SRRM4: variants seen among roughly 807,000 people sequenced by gnomAD.
SRRM4 encodes serine/arginine repetitive matrix protein 4.
A neutral mutation model predicts 68.9 loss-of-function variants in SRRM4; 33 were observed. The ratio of observed to expected loss-of-function variants is 0.48; its 90% CI spans 0.36 to 0.64. The LOEUF (loss-of-function observed/expected upper bound fraction) is 0.64, where lower values mean the gene tolerates loss of function less well. SRRM4 is among the 30% of genes least tolerant of loss of function. The pLI is 0.00. For synonymous variants in SRRM4, 318 were observed against 318.8 expected (o/e 1.00, Z 0.03); for missense variants, 817 against 827.1 (o/e 0.99, Z 0.15).
At chr12:119,122,494 T>G (rs191890737) in intron 6 of SRRM4, among the ~76,000 whole-genome samples, 3 of 151,956 alleles carry the variant, frequency 2.0e-5, no homozygotes, top group Admixed American at 2.0e-4. Flanking sequence ...CCCTTATGAG[T>G]ATACCTTGTG....
chr12:119,051,530 C>T (rs1055977196), intron 1 of SRRM4, among the ~76,000 whole-genome samples: 5 of 152,098 alleles, frequency 3.3e-5, no homozygotes, highest in Non-Finnish European at 5.9e-5. Context: ...AATGAATCTT[C>T]TCTTATTGAA....
intron 1 of SRRM4, among the ~76,000 whole-genome samples, chr12:119,086,225 A>G (rs1953978961): frequency 6.6e-6 from 1 of 152,082 alleles, no homozygotes; most frequent in African/African-American, 2.4e-5. Flanking sequence ...AAAAGGATAC[A>G]CCCTATATAC....
At chr12:119,014,901 C>T (rs985433186) in intron 1 of SRRM4, among the ~76,000 whole-genome samples, 5 of 152,080 alleles carry the variant, frequency 3.3e-5, no homozygotes, top group African/African-American at 1.2e-4. Context: ...TCACATGTGC[C>T]CAAATGCTGT....
chr12:119,036,567 C>T (rs976177366), intron 1 of SRRM4, among the ~76,000 whole-genome samples: 3 of 152,174 alleles, frequency 2.0e-5, no homozygotes, highest in African/African-American at 7.2e-5. Flanking sequence ...AGGTTTCCCT[C>T]AATGTGTGTA....
At chr12:119,119,624 G>T (rs1250746171) in intron 4 of SRRM4, among the ~76,000 whole-genome samples, 1 of 152,144 alleles carries the variant, frequency 6.6e-6, no homozygotes, top group African/African-American at 2.4e-5. Context: ...TAAAATGGTT[G>T]TTAATAGTAC....
chr12:118,988,499 C>T (rs1361515889), intron 1 of SRRM4, among the ~76,000 whole-genome samples: 1 of 152,122 alleles, frequency 6.6e-6, no homozygotes, highest in South Asian at 2.1e-4. Context: ...TGGACCAGCT[C>T]TAGCTAATAG....
intron 1 of SRRM4, among the ~76,000 whole-genome samples, chr12:119,091,934 G>A (rs1954016749): frequency 6.6e-6 from 1 of 152,186 alleles, no homozygotes; most frequent in Non-Finnish European, 1.5e-5. Context: ...AGAGGCTTAT[G>A]TTTGGATCAT....
In SRRM4 at chr12:119,156,589, C is replaced by G. The variant is rs750028696; in HGVS notation, c.1627C>G (p.Arg543Gly). Reference sequence around the variant, plus strand: ...CTCCTGGTACAGCAGCAGCAGTAGCCGCTCGGCCAGCCGCAGCTACTCCCG... The same window carrying G: ...CTCCTGGTACAGCAGCAGCAGTAGCGGCTCGGCCAGCCGCAGCTACTCCCG... Reference protein sequence around the residue: ...TSSWYSSSSSRSASRSYSRSR... With the variant: ...TSSWYSSSSSGSASRSYSRSR... The change falls in exon 13 of 13, where the codon CGC (arginine) becomes GGC (glycine). Residue 543 changes from arginine to glycine, a missense_variant. Arg to Gly is a moderately radical substitution (Grantham distance 125, BLOSUM62 -2). Coordinates refer to ENST00000267260, the MANE Select transcript of SRRM4 (RefSeq NM_194286.4). The G allele has an allele frequency of 1.4e-5, 22 of 1,610,080 alleles. No individual in the cohort carries two copies. The highest frequency in any genetic ancestry group is 1.5e-5 in the Non-Finnish European group (18 of 1,179,614).
chr12:119,065,150 G>T (rs975895445), intron 1 of SRRM4, among the ~76,000 whole-genome samples: 2 of 152,098 alleles, frequency 1.3e-5, no homozygotes, highest in African/African-American at 4.8e-5. Flanking sequence ...AGGCCACCCA[G>T]CTAATAAGGG....
chr12:119,032,687 A>G (rs1953599446), intron 1 of SRRM4, among the ~76,000 whole-genome samples: 1 of 152,124 alleles, frequency 6.6e-6, no homozygotes, highest in South Asian at 2.1e-4. Flanking sequence ...TCCCTTCTCT[A>G]TGTCTTGATA....
At chr12:119,038,564 G>A (rs1953644994) in intron 1 of SRRM4, among the ~76,000 whole-genome samples, 1 of 152,152 alleles carries the variant, frequency 6.6e-6, no homozygotes, top group Non-Finnish European at 1.5e-5. Flanking sequence ...CTCATTATTT[G>A]TTCCTGGAAC....
intron 1 of SRRM4, chr12:118,989,838 A>G (rs1308589508): frequency 6.6e-6 from 1 of 152,198 alleles, no homozygotes; most frequent in Non-Finnish European, 1.5e-5. Context: ...TTTGCTGAGT[A>G]CAAATACCAA....
At chr12:119,012,556 C>T (rs1399525939) in intron 1 of SRRM4, among the ~76,000 whole-genome samples, 1 of 152,202 alleles carries the variant, frequency 6.6e-6, no homozygotes, top group Non-Finnish European at 1.5e-5. Context: ...TCTCATTCTT[C>T]TACCTGTCTG....
intron 10 of SRRM4, among the ~76,000 whole-genome samples, 179 bp downstream of exon 10, chr12:119,151,399 T>C (rs140684820): frequency 1.3e-3 from 193 of 151,854 alleles, no homozygotes; most frequent in African/African-American, 4.6e-3. Flanking sequence ...AACCTGAGTT[T>C]TCCCATCTGC....
intron 1 of SRRM4, among the ~76,000 whole-genome samples, chr12:119,019,845 A>T (rs1349278087): frequency 6.6e-6 from 1 of 151,834 alleles, no homozygotes; most frequent in Non-Finnish European, 1.5e-5. Flanking sequence ...AAACTTACAG[A>T]GTGGCAGGGA....
intron 1 of SRRM4, among the ~76,000 whole-genome samples, chr12:119,099,089 A>C (rs971465913): frequency 1.3e-5 from 2 of 151,942 alleles, no homozygotes; most frequent in African/African-American, 2.4e-5. Flanking sequence ...CTCTGATCTC[A>C]CCTCTTGCCA....
chr12:119,063,709 T>A (rs1002051036), intron 1 of SRRM4, among the ~76,000 whole-genome samples: 1 of 152,224 alleles, frequency 6.6e-6, no homozygotes, highest in Non-Finnish European at 1.5e-5. Flanking sequence ...TAGACATTGG[T>A]CTCTGGGAAA....
chr12:119,056,678 A>C (rs1592879817), intron 1 of SRRM4, among the ~76,000 whole-genome samples: 1 of 149,546 alleles, frequency 6.7e-6, no homozygotes, highest in African/African-American at 2.5e-5. Context: ...TCTCGGCCTC[A>C]CTTGTTCTCA....
At chr12:119,068,121 G>T (rs1953857501) in intron 1 of SRRM4, among the ~76,000 whole-genome samples, 1 of 152,208 alleles carries the variant, frequency 6.6e-6, no homozygotes, top group Non-Finnish European at 1.5e-5. Context: ...GATTCAGACT[G>T]AGAATCATCT....
Sources: gnomAD v4.1 joint callset for allele counts (sites outside exome capture counted in the v4.1 genomes callset) on GRCh38, gnomAD v4.1.1 for gene constraint, MANE v1.5 for transcripts, NCBI Gene and HGNC (gene_info 2026-07-23, HGNC 2026-07-21) for gene names.